Variants in KIF26B observed in about 807,000 individuals in gnomAD.
KIF26B encodes kinesin-like protein KIF26B.
A neutral mutation model predicts 151.2 loss-of-function variants in KIF26B; 63 were observed. The ratio of observed to expected loss-of-function variants is 0.42; its 90% CI spans 0.34 to 0.51. KIF26B has a LOEUF of 0.51. KIF26B is among the 20% of genes least tolerant of loss of function. The pLI is 0.07. For missense variants in KIF26B, 2,813 were observed against 2,913.6 expected, an observed-to-expected ratio of 0.97 and a Z score of 0.79; for synonymous variants, 1,357 against 1,262.1, an observed-to-expected ratio of 1.08 and a Z score of -1.59.
At chr1:245,557,534 T>A (rs1396889091) in intron 5 of KIF26B, among the ~76,000 whole-genome samples, 1 of 152,116 alleles carries the variant, frequency 6.6e-6, no homozygotes, top group Non-Finnish European at 1.5e-5. Context: ...CTGGAGAAAG[T>A]GGGGTATGAG....
rs971924632 is a variant in KIF26B at position 245,602,886 on chromosome 1, C to G, written c.1557+103C>G. 45 of 1,014,514 alleles carry G rather than the reference C, an allele frequency of 4.4e-5. No individual in the cohort carries two copies. Among genetic ancestry groups the G allele is most frequent in the Admixed American group, 7.1e-5 (4 of 56,274 alleles). The allele number at this position is 1,014,514 out of a possible 1,614,324, so 62.8% of individuals were successfully genotyped here. A position where few individuals can be genotyped will look rare whatever the true frequency, so the allele number is the denominator to read the frequency against. ...CTGGGAGGGTGTCTTCTGGAGCATT[C>G]TGATGGACCAGTTCCTTCAGGAGTC... On this transcript the variant is annotated intron_variant, in intron 6 of 14. Coordinates refer to ENST00000407071, the MANE Select transcript of KIF26B (RefSeq NM_018012.4). The surrounding 1 kb of genome is among the most constrained non-coding windows in gnomAD (Gnocchi z 4.5).
Position 245,687,324 on chromosome 1 carries a change from A to C in KIF26B, c.4341A>C (p.Glu1447Asp). 6.2e-7 allele frequency: 1 copy of C among 1,601,550 alleles called. No homozygotes were observed. The highest frequency in any genetic ancestry group is 2.3e-5 in the East Asian group (1 of 44,392). ...FEDPWLKREEEVKKETAHPNE... is the reference protein window; with the variant it reads ...FEDPWLKREEDVKKETAHPNE... ...ACCCGTGGCTGAAACGAGAAGAGGA[A>C]GTGAAAAAAGAGACGGCTCATCCCA... is the stretch of plus-strand genomic sequence containing the variant. The change falls in exon 12 of 15, where the codon GAA becomes GAC. Residue 1447 changes from glutamate (E) to aspartate (D), a missense_variant. Coordinates refer to ENST00000407071, the MANE Select transcript of KIF26B (RefSeq NM_018012.4). The surrounding 1 kb of genome is among the most constrained non-coding windows in gnomAD (Gnocchi z 4.9).
chr1:245,157,988 C>G (rs1176891294), intron 2 of KIF26B, among the ~76,000 whole-genome samples: 1 of 152,182 alleles, frequency 6.6e-6, no homozygotes, highest in Non-Finnish European at 1.5e-5. Context: ...CCACGTGGAG[C>G]TTAGATTCTA....
At position 245,302,988 on chromosome 1, in the gene KIF26B, C is replaced by CAAAAA. The variant is rs74163037; in HGVS notation, c.466-63825_466-63821dup. Among the ~76,000 whole-genome samples, 208 of 35,720 alleles carry CAAAAA rather than the reference C, an allele frequency of 5.8e-3. 18 individuals are homozygous for CAAAAA. The highest frequency in any genetic ancestry group is 0.018 in the African/African-American group (152 of 8,660). 23.4% of individuals were successfully genotyped at this position (35,720 alleles called of 152,430 possible). On this transcript the variant is annotated intron_variant, in intron 2 of 14. Coordinates refer to ENST00000407071, the MANE Select transcript of KIF26B (RefSeq NM_018012.4). The stretch of plus-strand genomic sequence containing the variant: ...TGGGCAATAGAGCAAGACTCTGTCT[C>CAAAAA]AAAAAAAAAAAAAAAAAAAAAAAAA...
At chr1:245,445,386 T>C (rs944792160) in intron 4 of KIF26B, among the ~76,000 whole-genome samples, 1 of 152,232 alleles carries the variant, frequency 6.6e-6, no homozygotes, top group Non-Finnish European at 1.5e-5. Flanking sequence ...GTCCTCATCC[T>C]TTAGAGATAT....
intron 2 of KIF26B, among the ~76,000 whole-genome samples, chr1:245,157,553 A>G (rs1269520421): frequency 6.6e-6 from 1 of 152,220 alleles, no homozygotes; most frequent in African/African-American, 2.4e-5. Flanking sequence ...GCGTTTAGGA[A>G]TGACTGCGTC....
At chr1:245,420,500 A>G (rs1658458572) in intron 4 of KIF26B, among the ~76,000 whole-genome samples, 1 of 152,136 alleles carries the variant, frequency 6.6e-6, no homozygotes, top group Admixed American at 6.5e-5. Flanking sequence ...ATTGCTCTAC[A>G]TTTTTCTGTA....
intron 9 of KIF26B, among the ~76,000 whole-genome samples, chr1:245,640,938 G>C (rs966545187): frequency 3.9e-5 from 6 of 151,986 alleles, no homozygotes; most frequent in Non-Finnish European, 8.8e-5. Flanking sequence ...AATTTTAAAT[G>C]GTTTAGATGC....
intron 2 of KIF26B, among the ~76,000 whole-genome samples, chr1:245,175,184 GC>G (rs1668781282): frequency 6.6e-6 from 1 of 152,124 alleles, no homozygotes; most frequent in Admixed American, 6.6e-5. Flanking sequence ...TGCTGATGTG[GC>G]CCAGATTCAG....
At chr1:245,347,245 C>A (rs1199378731) in intron 2 of KIF26B, among the ~76,000 whole-genome samples, 2 of 152,204 alleles carry the variant, frequency 1.3e-5, no homozygotes, top group Non-Finnish European at 2.9e-5. Flanking sequence ...TAACTCCCAA[C>A]TTAAAAAATA....
chr1:245,190,007 C>T (rs577172491), intron 2 of KIF26B, among the ~76,000 whole-genome samples: 15 of 151,790 alleles, frequency 9.9e-5, no homozygotes, highest in South Asian at 2.1e-4. Context: ...AAACCACCCC[C>T]GTGATTCAAT....
chr1:245,224,023 G>A (rs758298494), intron 2 of KIF26B, among the ~76,000 whole-genome samples: 4 of 152,162 alleles, frequency 2.6e-5, no homozygotes, highest in Non-Finnish European at 4.4e-5. Context: ...AGTGGCTCAC[G>A]TCTGTAATCC....
chr1:245,504,230 C>T (rs1220656068), intron 4 of KIF26B, among the ~76,000 whole-genome samples: 1 of 151,986 alleles, frequency 6.6e-6, no homozygotes, highest in Non-Finnish European at 1.5e-5. Context: ...CCAGATGGCT[C>T]CATTCTAGAG....
At chr1:245,182,510 T>C (rs978011047) in intron 2 of KIF26B, among the ~76,000 whole-genome samples, 3 of 152,256 alleles carry the variant, frequency 2.0e-5, no homozygotes, top group African/African-American at 7.2e-5. Flanking sequence ...AGTTTTTGGC[T>C]ATTATGAATA....
intron 2 of KIF26B, among the ~76,000 whole-genome samples, chr1:245,303,787 C>T (rs1405682834): frequency 6.6e-6 from 1 of 152,228 alleles, no homozygotes; most frequent in Non-Finnish European, 1.5e-5. Context: ...GCACTGGGCC[C>T]TTCTGCCCTC....
At chr1:245,270,228 CCT>C (rs1384748961) in intron 2 of KIF26B, among the ~76,000 whole-genome samples, 4 of 145,238 alleles carry the variant, frequency 2.8e-5, no homozygotes, top group African/African-American at 1.0e-4. Context: ...CTTCCTTCTT[CCT>C]TTCCCTTTCC....
chr1:245,412,403 T>G (rs934795233), intron 3 of KIF26B, among the ~76,000 whole-genome samples: 12 of 152,280 alleles, frequency 7.9e-5, no homozygotes, highest in African/African-American at 2.9e-4. Context: ...TCCGTAGATG[T>G]CTCTACACAG....
chr1:245,694,145 ACCTG>A (rs1164215019), intron 12 of KIF26B, among the ~76,000 whole-genome samples: 2 of 152,248 alleles, frequency 1.3e-5, no homozygotes, highest in East Asian at 3.9e-4. Context: ...GCCCTGGAGA[ACCTG>A]CCTCTTTCTC....
In KIF26B at chr1:245,667,254, C is replaced by G. The variant is rs1558259869; in HGVS notation, c.2259-16979C>G. Among the ~76,000 whole-genome samples the G allele has an allele frequency of 6.6e-6, 1 of 152,208 alleles. No individual in the cohort carries two copies. Among genetic ancestry groups the G allele is most frequent in the Non-Finnish European group, 1.5e-5 (1 of 68,032 alleles). On this transcript the variant is annotated intron_variant, in intron 10 of 14. Coordinates refer to ENST00000407071, the MANE Select transcript of KIF26B (RefSeq NM_018012.4). The surrounding 1 kb of genome is among the most constrained non-coding windows in gnomAD (Gnocchi z 4.3). ...GCAGTGGCACGATCTCGGCTCACTG[C>G]AGCCTTAAGCTCCTGGGCTCAAGCT...
Sources: gnomAD v4.1 joint callset for allele counts (sites outside exome capture counted in the v4.1 genomes callset) on GRCh38, gnomAD v4.1.1 for gene constraint, Gnocchi (gnomAD v3.1) non-coding constraint, MANE v1.5 for transcripts, NCBI Gene and HGNC (gene_info 2026-07-23, HGNC 2026-07-21) for gene names.